ADAMTS7: variants seen among roughly 807,000 people sequenced by gnomAD.
ADAMTS7 encodes the protein A disintegrin and metalloproteinase with thrombospondin motifs 7.
In ADAMTS7, 89 loss-of-function variants were observed where a neutral mutation model predicts 172.6. The ratio of observed to expected loss-of-function variants is 0.52; its 90% CI spans 0.43 to 0.61. The LOEUF (loss-of-function observed/expected upper bound fraction) is 0.61, where lower values mean the gene tolerates loss of function less well. Ranked by LOEUF, ADAMTS7 falls within the 20% of genes least tolerant of loss-of-function variation. The probability of loss-of-function intolerance (pLI) is 0.00; values close to 1 mark genes in which losing one functional copy is unlikely to be tolerated. For missense variants in ADAMTS7, 1,973 were observed against 2,355.6 expected (o/e 0.84, Z 3.36); for synonymous variants, 885 against 978.4 (o/e 0.90, Z 1.78).
chr15:78,759,481 C>T lies in ADAMTS7; in HGVS notation c.5001G>A (p.Ser1667=), dbSNP rs775450666. The T allele has an allele frequency of 9.0e-5, 143 of 1,596,768 alleles. No homozygotes were observed. The highest frequency in any genetic ancestry group is 1.1e-4 in the Non-Finnish European group (128 of 1,177,322). ...GGGCGCCGTGGCTGGGCGGAGAGCA[C>T]GAGCGGCAGCACTGGGTGCGGATGG... is the stretch of plus-strand genomic sequence containing the variant. ...LPTIRTQCCR[S]CSPPSHGAPS... is the part of the protein sequence containing the mutation. Residue 1667 remains serine, a synonymous_variant, in exon 24 of 24, where the codon TCG becomes TCA. Transcript: ENST00000388820.
At chr15:78,794,409 C>T (rs1432288304) in intron 4 of ADAMTS7, among the ~76,000 whole-genome samples, 1 of 152,230 alleles carries the variant, frequency 6.6e-6, no homozygotes, top group Non-Finnish European at 1.5e-5. Flanking sequence ...CATATGGGTT[C>T]CCATGTCCCT....
In ADAMTS7 at chr15:78,766,287, A is replaced by G; in HGVS notation, c.3624T>C (p.Pro1208=). ...CCTCATTGGTCCTGTCCCGCCATGGAGGGGGCAGCTGGCTCTGGCTGTCCT... is the reference window on the plus strand; with the variant it reads ...CCTCATTGGTCCTGTCCCGCCATGGGGGGGGCAGCTGGCTCTGGCTGTCCT... ...VGKDSQSQLP[P]PWRDRTNEVF... is the part of the protein sequence containing the mutation. The change falls in exon 19 of 24, where the codon CCT becomes CCC. Residue 1208 remains proline (P), a synonymous_variant. Transcript: ENST00000388820. 1.2e-6 allele frequency: 2 copies of G among 1,611,456 alleles called. No individual in the cohort carries two copies. Among genetic ancestry groups the G allele is most frequent in the Non-Finnish European group, 1.7e-6 (2 of 1,179,964 alleles).
intron 4 of ADAMTS7, among the ~76,000 whole-genome samples, chr15:78,791,999 G>A (rs1381173057): frequency 2.6e-5 from 2 of 77,180 alleles, no homozygotes; most frequent in African/African-American, 6.4e-5. Context: ...ACTGGGGACA[G>A]CTGGCAGGTT....
In ADAMTS7 at chr15:78,788,330, A is replaced by G; in HGVS notation, c.1223T>C (p.Val408Ala). The change falls in exon 8 of 24, where the codon GTT becomes GCT. Residue 408 changes from valine (V) to alanine (A), a missense_variant. Transcript: ENST00000388820. ...AGACATGATGAAAGGTCGTTTCCCA[A>G]CGGGCTCACAGTCATTGCCGCTTCC... ...HDGSGNDCEP[V>A]GKRPFIMSPQ... 1.2e-6 allele frequency: 2 copies of G among 1,613,402 alleles called. No individual in the cohort carries two copies. The highest frequency in any genetic ancestry group is 1.7e-6 in the Non-Finnish European group (2 of 1,179,996).
At chr15:78,770,906 G>C in intron 16 of ADAMTS7, 1 of 535,308 alleles carries the variant, frequency 1.9e-6, no homozygotes, top group Non-Finnish European at 3.4e-6. Context: ...GTGTCCCCTG[G>C]AGGGAGAACG....
intron 1 of ADAMTS7, among the ~76,000 whole-genome samples, chr15:78,801,254 A>G (rs2055721957): frequency 6.6e-6 from 1 of 152,230 alleles, no homozygotes; most frequent in South Asian, 2.1e-4. Flanking sequence ...ACAAAGTTCT[A>G]GCCTGTATGA....
intron 23 of ADAMTS7, among the ~76,000 whole-genome samples, chr15:78,760,679 C>T (rs2055029081): frequency 6.6e-6 from 1 of 152,184 alleles, no homozygotes; most frequent in Non-Finnish European, 1.5e-5. Flanking sequence ...CCCAGCTTTC[C>T]ACATGTCCCG....
Position 78,765,510 on chromosome 15 carries a change from C to T in ADAMTS7, c.4266+135G>A. 2.8e-6 allele frequency: 4 copies of T among 1,439,344 alleles called. No homozygotes were observed. The South Asian group carries it at 3.9e-5, about 14-fold the overall frequency. 89.2% of individuals were successfully genotyped at this position (1,439,344 alleles called of 1,614,324 possible). A position where few individuals can be genotyped will look rare whatever the true frequency, so the allele number is the denominator to read the frequency against. Reference sequence around the variant, plus strand: ...ATGGGGCCCGGGGTCCCCTCATCCCCCTAATCCTGGGAACCCCTGCCCCAA... The same window carrying T: ...ATGGGGCCCGGGGTCCCCTCATCCCTCTAATCCTGGGAACCCCTGCCCCAA... On this transcript the variant is annotated intron_variant, in intron 19 of 23. Transcript: ENST00000388820.
At chr15:78,776,092 A>T in intron 11 of ADAMTS7, 96 bp downstream of exon 11, 2 of 1,433,228 alleles carry the variant, frequency 1.4e-6, no homozygotes, top group Non-Finnish European at 1.9e-6. Context: ...CACTTCTAAG[A>T]GCCAGGGGCT....
At chr15:78,763,477 C>T (rs1181260012) in intron 22 of ADAMTS7, among the ~76,000 whole-genome samples, 1 of 152,254 alleles carries the variant, frequency 6.6e-6, no homozygotes, top group Non-Finnish European at 1.5e-5. Flanking sequence ...CAACCCCAGA[C>T]CCCTCCTTGG....
chr15:78,810,497 C>G (rs1468607164), intron 1 of ADAMTS7: 1 of 152,342 alleles, frequency 6.6e-6, no homozygotes, highest in Non-Finnish European at 1.5e-5. Context: ...AACCCATGGC[C>G]GGGAAAAGAA....
intron 1 of ADAMTS7, 47 bp downstream of exon 1, chr15:78,811,074 G>A (rs1050289165): frequency 1.6e-6 from 2 of 1,228,324 alleles, no homozygotes; most frequent in Admixed American, 8.5e-5. Flanking sequence ...CTGGGGGAGC[G>A]GGAAGGGGTG....
At chr15:78,800,907 T>A (rs1567241530) in intron 1 of ADAMTS7, among the ~76,000 whole-genome samples, 1 of 152,100 alleles carries the variant, frequency 6.6e-6, no homozygotes, top group South Asian at 2.1e-4. Context: ...CGCCCAGCTA[T>A]TTTTTGTATT....
intron 19 of ADAMTS7, 50 bp downstream of exon 19, chr15:78,765,595 T>A (rs1302618074): frequency 6.2e-7 from 1 of 1,600,540 alleles, no homozygotes; most frequent in Non-Finnish European, 8.5e-7. Flanking sequence ...GAGGAAATAG[T>A]CACCAAGGTC....
intron 23 of ADAMTS7, chr15:78,762,153 C>T (rs2055054857): frequency 1.1e-6 from 1 of 902,110 alleles, no homozygotes; most frequent in African/African-American, 1.8e-5. Context: ...CCCTCTACTC[C>T]CCCAAGGTCA....
rs1206653505 is a variant in ADAMTS7 at position 78,766,640 on chromosome 15, TC to T, written c.3270del (p.Thr1091GlnfsTer63). On this transcript the variant is annotated frameshift_variant, in exon 19 of 24. Transcript: ENST00000388820. LOFTEE classifies it high-confidence loss of function. The stretch of plus-strand genomic sequence containing the variant: ...TGTGGTGGGGGTGTCCGGTCCCCTG[TC>T]CCCGCCAGGTCTAGATCGGGCTCCT... ...PSEEPDLDLA[G>X]TGDRTPPPHS... 6.2e-7 allele frequency: 1 copy of T among 1,609,890 alleles called. No homozygotes were observed. Among genetic ancestry groups the T allele is most frequent in the African/African-American group, 1.3e-5 (1 of 74,812 alleles).
chr15:78,764,670 G>C lies in ADAMTS7; in HGVS notation c.4304C>G (p.Pro1435Arg). The C allele has an allele frequency of 6.4e-7, 1 of 1,571,026 alleles. No individual in the cohort carries two copies. The highest frequency in any genetic ancestry group is 1.2e-5 in the South Asian group (1 of 86,646). ...ATCCCGGCCGGAGCTACAGCGCACCGGCCTCCAGACCGCACCCAGGCCACA... is the reference window on the plus strand; with the variant it reads ...ATCCCGGCCGGAGCTACAGCGCACCCGCCTCCAGACCGCACCCAGGCCACA... Reference protein sequence around the residue: ...TTCGLGAVWRPVRCSSGRDED... With the variant: ...TTCGLGAVWRRVRCSSGRDED... Residue 1435 changes from proline to arginine, a missense_variant, in exon 20 of 24, where the codon CCG becomes CGG. Physicochemically the swap from Pro to Arg is moderately radical, Grantham distance 103. Around this residue, in one of 8 missense-constraint regions of ADAMTS7, gnomAD observed 218 missense variants for 216.9 expected, o/e 1.01. Coordinates refer to ENST00000388820, the MANE Select transcript of ADAMTS7 (RefSeq NM_014272.5).
At chr15:78,808,722 G>T (rs147332815) in intron 1 of ADAMTS7, among the ~76,000 whole-genome samples, 1 of 152,210 alleles carries the variant, frequency 6.6e-6, no homozygotes, top group African/African-American at 2.4e-5. Context: ...TTCCAGTCTC[G>T]ACCGGTTATG....
intron 16 of ADAMTS7, chr15:78,770,789 G>T: frequency 5.0e-6 from 1 of 200,940 alleles, no homozygotes; most frequent in Admixed American, 5.2e-5. Context: ...GGGAAATTTG[G>T]GGAGGAAGAG....
Sources: gnomAD v4.1 joint callset for allele counts (sites outside exome capture counted in the v4.1 genomes callset) on GRCh38, gnomAD v4.1.1 for gene constraint, gnomAD v4.1.1 regional missense constraint, MANE v1.5 for transcripts, NCBI Gene and HGNC (gene_info 2026-07-23, HGNC 2026-07-21) for gene names.